GNS: variants seen among roughly 807,000 people sequenced by gnomAD.
GNS encodes N-acetylglucosamine-6-sulfatase.
A neutral mutation model predicts 69.7 loss-of-function variants in GNS; 40 were observed. The observed-to-expected ratio is 0.57, with a 90% CI of 0.45 to 0.75. The LOEUF (loss-of-function observed/expected upper bound fraction) is 0.75, where lower values mean the gene tolerates loss of function less well. Among genes scored for constraint, GNS ranks in the 30% least tolerant of loss-of-function variants. The probability of loss-of-function intolerance (pLI) is 0.00; values close to 1 mark genes in which losing one functional copy is unlikely to be tolerated. For missense variants in GNS, 565 were observed against 685.5 expected (o/e 0.82, Z 1.96); for synonymous variants, 243 against 251.6 (o/e 0.97, Z 0.32).
intron 9 of GNS, among the ~76,000 whole-genome samples, chr12:64,732,153 ATTTTTTTTTTTTGTTGT>A (rs903615621): frequency 1.1e-5 from 1 of 88,756 alleles, no homozygotes; most frequent in African/African-American, 4.8e-5. Flanking sequence ...CACCTGGCTA[ATTTTTTTTTTTTGTTGT>A]TTTTTTTTTT....
intron 1 of GNS, among the ~76,000 whole-genome samples, chr12:64,757,104 A>G (rs190225485): frequency 2.6e-5 from 4 of 152,326 alleles, no homozygotes; most frequent in Admixed American, 2.6e-4. Flanking sequence ...GCTTGAGACT[A>G]GGAGTTCAAG....
chr12:64,753,633 T>C lies in GNS; in HGVS notation c.193-876A>G, dbSNP rs114098706. ...TATATTTTGTTGTGCAATAATTCCT[T>C]AAAGATTGCTAATCTAAATACATAA... On this transcript the variant is annotated intron_variant, in intron 1 of 13. Transcript: ENST00000258145. 6.3e-3 allele frequency among the ~76,000 whole-genome samples: 967 copies of C among 152,334 alleles called. 10 individuals are homozygous for C. The highest frequency in any genetic ancestry group is 0.022 in the African/African-American group (915 of 41,560).
chr12:64,728,166 C>A (rs1869268025), intron 10 of GNS, among the ~76,000 whole-genome samples: 1 of 152,186 alleles, frequency 6.6e-6, no homozygotes, highest in Non-Finnish European at 1.5e-5. Flanking sequence ...TTCAGGTGAT[C>A]CACCCACCTT....
chr12:64,745,401 G>C (rs1403447370), intron 4 of GNS, among the ~76,000 whole-genome samples: 1 of 151,514 alleles, frequency 6.6e-6, no homozygotes, highest in Non-Finnish European at 1.5e-5. Flanking sequence ...AAAATTTTTT[G>C]TTGAAATGGG....
At position 64,715,142 on chromosome 12, in the gene GNS, CCTG is replaced by C. The variant is rs1868821817; in HGVS notation, c.*1596_*1598del. On this transcript the variant is annotated 3_prime_UTR_variant, in exon 14 of 14. Transcript: ENST00000258145. ...TACAAACCACAGCTCTTCCTCCTCC[CCTG>C]CTGTCTCACCACCAATTAGCCTTCT... 1 of 152,638 alleles carries C rather than the reference CCTG, an allele frequency of 6.6e-6. No individual in the cohort carries two copies. Among genetic ancestry groups the C allele is most frequent in the African/African-American group, 2.4e-5 (1 of 41,456 alleles). 9.5% of individuals were successfully genotyped at this position (152,638 alleles called of 1,614,324 possible).
In GNS at chr12:64,739,456, C is replaced by A. The variant is rs1422834237; in HGVS notation, c.919G>T (p.Val307Phe). 1.2e-6 allele frequency: 2 copies of A among 1,609,796 alleles called. No homozygotes were observed. The highest frequency in any genetic ancestry group is 1.7e-6 in the Non-Finnish European group (2 of 1,176,270). Residue 307 changes from valine (V) to phenylalanine (F), a missense_variant, in exon 8 of 14, where the codon GTC becomes TTC. By Grantham distance (50) the Val-to-Phe change is conservative. Transcript: ENST00000258145. ...TCCCCAGTGAACTCCAGCCTCTTGA[C>A]CAGTTTCTCCACAAGGTCATCAACT... ...LSVDDLVEKL[V>F]KRLEFTGELN...
rs1423716540 is a variant in GNS, at chr12:64,751,971, GAAGA to G, written c.252+723_252+726del. Among the ~76,000 whole-genome samples, 424 of 140,926 alleles carry G rather than the reference GAAGA, an allele frequency of 3.0e-3. 1 individual carries two copies. The highest frequency in any genetic ancestry group is 4.9e-3 in the Non-Finnish European group (312 of 63,828). The allele number at this position is 140,926 out of a possible 152,430, so 92.5% of individuals were successfully genotyped here. ...CCACTCAAAAAAAAAAAAAAAAAAA[GAAGA>G]AAGAAAAGAAAAAATAAGTCAGGCA... On this transcript the variant is annotated intron_variant, in intron 2 of 13. Coordinates refer to ENST00000258145, the MANE Select transcript of GNS (RefSeq NM_002076.4).
Position 64,722,992 on chromosome 12 carries a change from A to C in GNS, c.1308+14T>G. 1.4e-6 allele frequency: 2 copies of C among 1,459,174 alleles called. No homozygotes were observed. 90.4% of individuals were successfully genotyped at this position (1,459,174 alleles called of 1,614,324 possible). A position where few individuals can be genotyped will look rare whatever the true frequency, so the allele number is the denominator to read the frequency against. On this transcript the variant is annotated intron_variant, in intron 11 of 13. Transcript: ENST00000258145. ...GTGAGAAAGCTGTCTAAGTTGATTC[A>C]AGCTATTACTCACAGATACGCCAGG...
chr12:64,757,598 C>T (rs1489230485), intron 1 of GNS, among the ~76,000 whole-genome samples: 2 of 152,124 alleles, frequency 1.3e-5, no homozygotes, highest in Non-Finnish European at 2.9e-5. Context: ...AAATGCAAGC[C>T]TCTTAAAACA....
intron 6 of GNS, among the ~76,000 whole-genome samples, chr12:64,742,622 T>C (rs1269490438): frequency 6.6e-6 from 1 of 152,224 alleles, no homozygotes; most frequent in African/African-American, 2.4e-5. Flanking sequence ...CTTCTGTCTT[T>C]GAACCAGGGA....
intron 10 of GNS, among the ~76,000 whole-genome samples, chr12:64,725,995 C>CA (rs34734900): frequency 0.014 from 706 of 49,200 alleles, 78 homozygotes; most frequent in Middle Eastern, 0.023. Flanking sequence ...GACTCTGTCT[C>CA]AAAAAAAAAA....
intron 9 of GNS, chr12:64,729,267 T>C (rs1204225040): frequency 9.0e-6 from 5 of 554,408 alleles, no homozygotes; most frequent in Non-Finnish European, 1.6e-5. Context: ...TGTATAATAG[T>C]ATATCCCCCT....
rs1204900806 is a variant in GNS at position 64,748,771 on chromosome 12, A to G, written c.253-853T>C. On this transcript the variant is annotated intron_variant, in intron 2 of 13. Transcript: ENST00000258145. ...GGTACACATCACCAAGCCACTTCACAGAAAGGTAATACTAGCTTATACTTG... is the reference window on the plus strand; with the variant it reads ...GGTACACATCACCAAGCCACTTCACGGAAAGGTAATACTAGCTTATACTTG... Among the ~76,000 whole-genome samples the G allele has an allele frequency of 5.3e-5, 8 of 152,284 alleles. No homozygotes were observed. In the East Asian group the frequency reaches 1.5e-3, roughly 29 times the overall value.
chr12:64,726,968 A>T (rs1466790697), intron 10 of GNS, among the ~76,000 whole-genome samples: 1 of 152,050 alleles, frequency 6.6e-6, no homozygotes, highest in Non-Finnish European at 1.5e-5. Context: ...ATATGAACAC[A>T]TCTCCAAAGA....
intron 10 of GNS, among the ~76,000 whole-genome samples, chr12:64,724,355 G>GT (rs1592493391): frequency 2.0e-5 from 3 of 152,362 alleles, no homozygotes; most frequent in East Asian, 3.9e-4. Flanking sequence ...GGGAATGCCT[G>GT]TTTGAGAATC....
rs745307029 is a variant in GNS, at chr12:64,744,894, T to C, written c.539A>G (p.Lys180Arg). 6.3e-5 allele frequency: 92 copies of C among 1,471,648 alleles called. No individual in the cohort carries two copies. The highest frequency in any genetic ancestry group is 8.3e-5 in the Non-Finnish European group (87 of 1,049,994). The allele number at this position is 1,471,648 out of a possible 1,614,324, so 91.2% of individuals were successfully genotyped here. A position where few individuals can be genotyped will look rare whatever the true frequency, so the allele number is the denominator to read the frequency against. ...SYWYALEKNSKYYNYTLSING... is the reference protein window; with the variant it reads ...SYWYALEKNSRYYNYTLSING... Reference sequence around the variant, plus strand: ...GATAGACAGGGTGTAATTATAATACTTAGAATTCTTTTCCTATTAAAAAGA... The same window carrying C: ...GATAGACAGGGTGTAATTATAATACCTAGAATTCTTTTCCTATTAAAAAGA... Residue 180 changes from lysine to arginine, a missense_variant, in exon 5 of 14, where the codon AAG becomes AGG. Transcript: ENST00000258145.
chr12:64,745,836 C>A (rs1418850992), intron 3 of GNS, 112 bp from the exon 4 acceptor site: 2 of 735,470 alleles, frequency 2.7e-6, no homozygotes, highest in African/African-American at 3.5e-5. Context: ...ATAGTAGGTA[C>A]CTAATTTCCC....
At chr12:64,742,714 G>C (rs531339827) in intron 6 of GNS, among the ~76,000 whole-genome samples, 2 of 152,160 alleles carry the variant, frequency 1.3e-5, no homozygotes, top group Non-Finnish European at 2.9e-5. Flanking sequence ...TCTTAATCAT[G>C]TCACCTCGTT....
At chr12:64,728,237 T>C (rs1869273795) in intron 10 of GNS, among the ~76,000 whole-genome samples, 1 of 152,338 alleles carries the variant, frequency 6.6e-6, no homozygotes, top group East Asian at 1.9e-4. Context: ...ACACTTTAAA[T>C]GAGTGAATTG....
Sources: gnomAD v4.1 joint callset for allele counts (sites outside exome capture counted in the v4.1 genomes callset) on GRCh38, gnomAD v4.1.1 for gene constraint, MANE v1.5 for transcripts, NCBI Gene and HGNC (gene_info 2026-07-23, HGNC 2026-07-21) for gene names.